Variants in ULK4 observed in about 807,000 individuals in gnomAD.
The protein encoded by ULK4 is inactive serine/threonine-protein kinase ULK4.
In ULK4, 133 loss-of-function variants were observed where a neutral mutation model predicts 160.6. That is an observed-to-expected ratio of 0.83 (90% CI 0.72 to 0.96). ULK4 has a LOEUF of 0.96. Among genes scored for constraint, ULK4 ranks in the 40% least tolerant of loss-of-function variants. The pLI is 0.00. For synonymous variants in ULK4, 534 were observed against 539.8 expected, an observed-to-expected ratio of 0.99 and a Z score of 0.15; for missense variants, 1,580 against 1,499.5, an observed-to-expected ratio of 1.05 and a Z score of -0.89.
chr3:41,381,729 A>G (rs1198883996), intron 35 of ULK4, among the ~76,000 whole-genome samples: 1 of 152,084 alleles, frequency 6.6e-6, no homozygotes, highest in Admixed American at 6.5e-5. Context: ...ACCCTCTTCA[A>G]TGACTACTCT....
intron 18 of ULK4, among the ~76,000 whole-genome samples, chr3:41,830,855 T>G (rs2041556218): frequency 1.3e-5 from 2 of 152,002 alleles, no homozygotes; most frequent in African/African-American, 4.8e-5. Flanking sequence ...CAAAACTTGT[T>G]AAGTTTGAGC....
chr3:41,707,421 G>T (rs533072170), intron 25 of ULK4, among the ~76,000 whole-genome samples: 21 of 152,272 alleles, frequency 1.4e-4, no homozygotes, highest in African/African-American at 4.6e-4. Context: ...ACAGAGTGAA[G>T]AGACAACTTA....
At chr3:41,735,776 T>C (rs138938217) in intron 22 of ULK4, among the ~76,000 whole-genome samples, 18,585 of 149,170 alleles carry the variant, frequency 0.12, 3,959 homozygotes, top group African/African-American at 0.44. Context: ...TATACATATG[T>C]CATGTTGGTG....
intron 35 of ULK4, among the ~76,000 whole-genome samples, chr3:41,311,877 C>CATAT (rs143621818): frequency 0.031 from 4,567 of 146,456 alleles, 113 homozygotes; most frequent in Non-Finnish European, 0.044. Context: ...AAACTCTCCT[C>CATAT]ATATATATAT....
chr3:41,655,534 AAATT>A (rs1403248487), intron 30 of ULK4, among the ~76,000 whole-genome samples: 2 of 152,180 alleles, frequency 1.3e-5, no homozygotes, highest in African/African-American at 4.8e-5. Flanking sequence ...TAATAAAAAT[AAATT>A]AATAAATTAA....
At chr3:41,614,555 T>G (rs1432738636) in intron 31 of ULK4, among the ~76,000 whole-genome samples, 1 of 152,176 alleles carries the variant, frequency 6.6e-6, no homozygotes, top group Non-Finnish European at 1.5e-5. Flanking sequence ...AAATCCCTTC[T>G]TACAATTCTA....
At chr3:41,709,485 C>G (rs1330101428) in intron 25 of ULK4, among the ~76,000 whole-genome samples, 1 of 152,144 alleles carries the variant, frequency 6.6e-6, no homozygotes, top group Non-Finnish European at 1.5e-5. Context: ...CTCCCGGGTT[C>G]AAGAGATTTG....
At chr3:41,454,198 G>T (rs1214260890) in intron 34 of ULK4, among the ~76,000 whole-genome samples, 2 of 147,140 alleles carry the variant, frequency 1.4e-5, no homozygotes, top group Non-Finnish European at 1.5e-5. Flanking sequence ...AAAGAAAAAA[G>T]AAAAATTCCA....
intron 22 of ULK4, among the ~76,000 whole-genome samples, chr3:41,751,744 C>T (rs1315198994): frequency 6.6e-6 from 1 of 152,154 alleles, no homozygotes; most frequent in Admixed American, 6.5e-5. Context: ...TTTTAGATAG[C>T]ATCATCAGAG....
intron 32 of ULK4, among the ~76,000 whole-genome samples, chr3:41,509,289 T>A (rs931867941): frequency 3.9e-5 from 6 of 152,034 alleles, no homozygotes; most frequent in African/African-American, 1.2e-4. Context: ...AAAGAATTTT[T>A]AAAAAATGAA....
At chr3:41,600,577 T>C (rs529299273) in intron 31 of ULK4, among the ~76,000 whole-genome samples, 1 of 152,338 alleles carries the variant, frequency 6.6e-6, no homozygotes, top group East Asian at 1.9e-4. Context: ...TGAACAACAC[T>C]GTCCATTCTG....
At chr3:41,618,044 T>C (rs2033063304) in intron 30 of ULK4, among the ~76,000 whole-genome samples, 1 of 151,900 alleles carries the variant, frequency 6.6e-6, no homozygotes. Flanking sequence ...ATCAATTTAC[T>C]GAAATAAGGC....
intron 32 of ULK4, among the ~76,000 whole-genome samples, chr3:41,464,439 A>T (rs1025061272): frequency 1.3e-5 from 2 of 152,126 alleles, no homozygotes; most frequent in African/African-American, 4.8e-5. Flanking sequence ...GAAAATAAAC[A>T]AACTTGAAAG....
intron 34 of ULK4, among the ~76,000 whole-genome samples, chr3:41,422,639 G>A (rs1013451956): frequency 1.1e-4 from 17 of 151,344 alleles, no homozygotes; most frequent in South Asian, 2.1e-4. Flanking sequence ...TTTGTGATAC[G>A]TCATTTTTAC....
chr3:41,393,584 T>A (rs979684239), intron 35 of ULK4, among the ~76,000 whole-genome samples: 1 of 152,184 alleles, frequency 6.6e-6, no homozygotes, highest in Non-Finnish European at 1.5e-5. Context: ...ACCATAGCAC[T>A]GATTGGATTT....
intron 35 of ULK4, among the ~76,000 whole-genome samples, chr3:41,296,068 C>T (rs1022035101): frequency 7.2e-5 from 11 of 152,036 alleles, no homozygotes; most frequent in Admixed American, 5.9e-4. Context: ...TATTACTCAG[C>T]GCTAAAAAGA....
intron 32 of ULK4, among the ~76,000 whole-genome samples, chr3:41,483,624 T>G (rs1174391685): frequency 1.3e-5 from 2 of 152,176 alleles, no homozygotes; most frequent in Non-Finnish European, 2.9e-5. Context: ...TAAATGATGT[T>G]TTGAGAATGT....
intron 35 of ULK4, among the ~76,000 whole-genome samples, chr3:41,300,054 A>G (rs1382814165): frequency 6.6e-6 from 1 of 152,188 alleles, no homozygotes; most frequent in African/African-American, 2.4e-5. Context: ...AATTTTCACC[A>G]ACACCAGCAG....
At chr3:41,474,073 C>T (rs1337837842) in intron 32 of ULK4, among the ~76,000 whole-genome samples, 2 of 152,020 alleles carry the variant, frequency 1.3e-5, no homozygotes, top group African/African-American at 2.4e-5. Context: ...ACAAAAAGAA[C>T]GAAGCTAGAG....
Sources: allele counts gnomAD v4.1 joint callset (sites outside exome capture counted in the v4.1 genomes callset), GRCh38; gene constraint gnomAD v4.1.1; transcripts MANE v1.5; gene names NCBI Gene and HGNC (gene_info 2026-07-23, HGNC 2026-07-21).